The following SCAF8 variants were observed in gnomAD, a reference collection of about 807,000 sequenced individuals.
SCAF8 encodes the protein SR-related and CTD-associated factor 8.
SCAF8 carries 23 observed loss-of-function variants against 140.5 expected under a neutral mutation model. That is an observed-to-expected ratio of 0.16 (90% confidence interval 0.12 to 0.23). The LOEUF (loss-of-function observed/expected upper bound fraction) is 0.23. Among genes scored for constraint, SCAF8 ranks in the 10% least tolerant of loss-of-function variants. The pLI, the probability that SCAF8 is intolerant of heterozygous loss-of-function variation, is 1.00. For missense variants in SCAF8, 1,397 were observed against 1,555.7 expected (o/e 0.90, Z 1.72); for synonymous variants, 575 against 528.9 (o/e 1.09, Z -1.20).
In SCAF8 at chr6:154,733,490, C is replaced by T. The variant is rs1009544347; in HGVS notation, c.-411C>T. On this transcript the variant is annotated 5_prime_UTR_variant, in exon 1 of 20. Coordinates refer to ENST00000367178, the MANE Select transcript of SCAF8 (RefSeq NM_014892.5). ...CCGAGCGGGGCTGGTTCCTGCGGCC[C>T]GAGCGGCGGGGAGGTGAAACAGGAG... 7.5e-7 allele frequency: 1 copy of T among 1,327,446 alleles called. No individual in the cohort carries two copies. Among genetic ancestry groups the T allele is most frequent in the Non-Finnish European group, 9.6e-7 (1 of 1,041,930 alleles). 82.2% of individuals were successfully genotyped at this position (1,327,446 alleles called of 1,614,324 possible).
At chr6:154,795,867 TTA>T (rs1038521619) in intron 6 of SCAF8, among the ~76,000 whole-genome samples, 9 of 152,234 alleles carry the variant, frequency 5.9e-5, no homozygotes, top group African/African-American at 9.6e-5. Flanking sequence ...TTCAAATCTT[TTA>T]TGTCTCTTAA....
At chr6:154,786,323 T>G (rs566828194) in intron 3 of SCAF8, among the ~76,000 whole-genome samples, 13 of 152,192 alleles carry the variant, frequency 8.5e-5, no homozygotes, top group Non-Finnish European at 1.6e-4. Flanking sequence ...CTGGGTGACA[T>G]CAGCTGATCC....
At chr6:154,831,878 TA>T in intron 19 of SCAF8, 60 bp from the exon 20 acceptor site, 1 of 1,447,910 alleles carries the variant, frequency 6.9e-7, no homozygotes, top group Non-Finnish European at 9.3e-7. Context: ...CTGATTAAGC[TA>T]AAATTATTGG....
At chr6:154,781,457 C>T (rs1309286753) in intron 3 of SCAF8, among the ~76,000 whole-genome samples, 3 of 152,148 alleles carry the variant, frequency 2.0e-5, no homozygotes, top group Non-Finnish European at 4.4e-5. Flanking sequence ...TAAACTACCA[C>T]TGACATTTTT....
At chr6:154,734,047 T>A (rs1160317907) in intron 1 of SCAF8, 117 bp downstream of exon 1, 8 of 1,385,172 alleles carry the variant, frequency 5.8e-6, no homozygotes, top group Non-Finnish European at 7.5e-6. Context: ...GGGTGAGCGG[T>A]GGCCTAGCAG....
intron 1 of SCAF8, among the ~76,000 whole-genome samples, chr6:154,770,485 C>G (rs1221335054): frequency 6.6e-6 from 1 of 151,372 alleles, no homozygotes; most frequent in Non-Finnish European, 1.5e-5. Context: ...GTAGGAGGAC[C>G]CGTTGAGCCT....
rs746728446 is a variant in SCAF8 at position 154,833,147 on chromosome 6, C to T, written c.3568C>T (p.Pro1190Ser). 3.1e-6 allele frequency: 5 copies of T among 1,614,060 alleles called. No homozygotes were observed. Among genetic ancestry groups the T allele is most frequent in the South Asian group, 1.1e-5 (1 of 91,074 alleles). The change falls in exon 20 of 20, where the codon CCT becomes TCT. Residue 1190 changes from proline (P) to serine (S), a missense_variant. Physicochemically the swap from Pro to Ser is moderately conservative, Grantham distance 74 (BLOSUM62 -1). This residue lies in a region of SCAF8 where 930 missense variants were observed against 874.6 expected (regional missense o/e 1.06). Transcript: ENST00000367178. ...CAGAATTCAAAACACTTGGGTTCCC[C>T]CTCCTCATGCTCGGGTTTTTGATTA... Reference protein sequence around the residue: ...RDRIQNTWVPPPHARVFDYFE... With the variant: ...RDRIQNTWVPSPHARVFDYFE...
intron 1 of SCAF8, among the ~76,000 whole-genome samples, chr6:154,769,128 C>G (rs1776665947): frequency 6.7e-6 from 1 of 149,844 alleles, no homozygotes; most frequent in African/African-American, 2.5e-5. Context: ...CCATCTTGTT[C>G]AAGAATTGAC....
intron 13 of SCAF8, among the ~76,000 whole-genome samples, chr6:154,816,381 C>A (rs1030474363): frequency 1.3e-5 from 2 of 152,216 alleles, no homozygotes; most frequent in East Asian, 1.9e-4. Context: ...TTGATTCTTG[C>A]ACTAGTTTTG....
At chr6:154,765,915 C>T (rs569661259) in intron 1 of SCAF8, among the ~76,000 whole-genome samples, 6 of 152,106 alleles carry the variant, frequency 3.9e-5, no homozygotes, top group Admixed American at 1.3e-4. Flanking sequence ...GGTTTAGGGG[C>T]GCCAACCCCC....
chr6:154,833,118 G>A lies in SCAF8; in HGVS notation c.3539G>A (p.Arg1180Gln), dbSNP rs2114703580. 2.5e-6 allele frequency: 4 copies of A among 1,614,118 alleles called. No homozygotes were observed. The highest frequency in any genetic ancestry group is 3.4e-6 in the Non-Finnish European group (4 of 1,180,006). Residue 1180 changes from arginine to glutamine, a missense_variant, in exon 20 of 20, where the codon CGA (arginine) becomes CAA (glutamine). Arg to Gln is a conservative substitution (Grantham distance 43, BLOSUM62 1). Around this residue, in one of 5 missense-constraint regions of SCAF8, gnomAD observed 930 missense variants for 874.6 expected, o/e 1.06. Transcript: ENST00000367178. ...CREMNGNRLG[R>Q]DRIQNTWVPP... is the part of the protein sequence containing the mutation. ...GAAATGAATGGAAATCGTCTTGGAC[G>A]AGACAGAATTCAAAACACTTGGGTT...
At chr6:154,823,231 A>G (rs1006122717) in intron 16 of SCAF8, among the ~76,000 whole-genome samples, 1 of 152,190 alleles carries the variant, frequency 6.6e-6, no homozygotes, top group African/African-American at 2.4e-5. Flanking sequence ...TACATGTGAC[A>G]AAAAGAGAGA....
At chr6:154,797,725 C>T (rs1274247054) in intron 6 of SCAF8, among the ~76,000 whole-genome samples, 1 of 151,378 alleles carries the variant, frequency 6.6e-6, no homozygotes, top group Non-Finnish European at 1.5e-5. Flanking sequence ...TAAACTTAAG[C>T]TCAGGAACAT....
At chr6:154,827,834 C>CGGG (rs36065536) in intron 18 of SCAF8, among the ~76,000 whole-genome samples, 19 of 81,322 alleles carry the variant, frequency 2.3e-4, no homozygotes, top group East Asian at 2.3e-3. Flanking sequence ...TGGGGCGGGG[C>CGGG]GGGGGGGGGG....
At chr6:154,762,962 G>A (rs1562432723) in intron 1 of SCAF8, among the ~76,000 whole-genome samples, 1 of 152,102 alleles carries the variant, frequency 6.6e-6, no homozygotes, top group African/African-American at 2.4e-5. Flanking sequence ...GTTCACTTGT[G>A]TCATTCCTGC....
rs991676760 is a variant in SCAF8, at chr6:154,820,255, C to G, written c.1714C>G (p.Pro572Ala). ...WDVDLGVTYI[P>A]WEKVKVDDLE... ...TGTGGATCTTGGAGTTACATATATA[C>G]CATGGGAAAAAGTTAAAGTGGATGA... Residue 572 changes from proline to alanine, a missense_variant, in exon 15 of 20, where the codon CCA becomes GCA. Pro to Ala is a conservative substitution (Grantham distance 27, BLOSUM62 -1). Around this residue, in one of 5 missense-constraint regions of SCAF8, gnomAD observed 930 missense variants for 874.6 expected, o/e 1.06. Coordinates refer to ENST00000367178, the MANE Select transcript of SCAF8 (RefSeq NM_014892.5). 1 of 1,610,762 alleles carries G rather than the reference C, an allele frequency of 6.2e-7. No individual in the cohort carries two copies.
Position 154,800,413 on chromosome 6 carries a change from C to G in SCAF8, c.607-1558C>G, listed in dbSNP as rs1046996411. Reference sequence around the variant, plus strand: ...TGAGTTGTTTGAAGGAAAAGATAGTCTGTGTAAGCTATTAATGACAAAGTT... The same window carrying G: ...TGAGTTGTTTGAAGGAAAAGATAGTGTGTGTAAGCTATTAATGACAAAGTT... On this transcript the variant is annotated intron_variant, in intron 6 of 19. Coordinates refer to ENST00000367178, the MANE Select transcript of SCAF8 (RefSeq NM_014892.5). 1.3e-5 allele frequency among the ~76,000 whole-genome samples: 2 copies of G among 151,482 alleles called. 1 individual carries two copies. The highest frequency in any genetic ancestry group is 1.3e-4 in the Admixed American group (2 of 15,218).
chr6:154,776,721 T>C (rs1395829496), intron 2 of SCAF8, among the ~76,000 whole-genome samples: 3 of 152,228 alleles, frequency 2.0e-5, no homozygotes, highest in African/African-American at 7.2e-5. Context: ...TAAGTAACTT[T>C]AGCCAGACTT....
chr6:154,798,994 A>AT (rs1777688417), intron 6 of SCAF8, among the ~76,000 whole-genome samples: 1 of 149,890 alleles, frequency 6.7e-6, no homozygotes, highest in African/African-American at 2.4e-5. Context: ...TTTTATTATT[A>AT]TTTTTTGACA....
Sources: gnomAD v4.1 joint callset for allele counts (sites outside exome capture counted in the v4.1 genomes callset) on GRCh38, gnomAD v4.1.1 for gene constraint, gnomAD v4.1.1 regional missense constraint, MANE v1.5 for transcripts, NCBI Gene and HGNC (gene_info 2026-07-23, HGNC 2026-07-21) for gene names.